Variants in SYNRG observed in about 807,000 individuals in gnomAD.
SYNRG encodes synergin gamma, also known as AP1 gamma subunit binding protein 1.
Under a neutral mutation model 130.9 loss-of-function variants are expected in SYNRG, and 37 were observed. The ratio of observed to expected loss-of-function variants is 0.28; its 90% CI spans 0.22 to 0.37. The LOEUF (loss-of-function observed/expected upper bound fraction) is 0.37. SYNRG is among the 10% of genes least tolerant of loss of function. The pLI is 1.00. For missense variants in SYNRG, 1,338 were observed against 1,588.9 expected, an observed-to-expected ratio of 0.84 and a Z score of 2.68; for synonymous variants, 539 against 568.1, an observed-to-expected ratio of 0.95 and a Z score of 0.73.
Position 37,541,811 on chromosome 17 carries a change from A to C in SYNRG, c.3202+161T>G. The C allele has an allele frequency of 6.9e-6, 5 of 722,810 alleles. No homozygotes were observed. In the East Asian group the frequency reaches 1.4e-4, roughly 20 times the overall value. The allele number at this position is 722,810 out of a possible 1,614,324, so 44.8% of individuals were successfully genotyped here. ...GGATGCTGATTTTGACTCCCGTCTCAGGGAAATCTTTATTATAGCTATCTG... is the reference window on the plus strand; with the variant it reads ...GGATGCTGATTTTGACTCCCGTCTCCGGGAAATCTTTATTATAGCTATCTG... On this transcript the variant is annotated intron_variant, in intron 15 of 21. Coordinates refer to ENST00000612223, the MANE Select transcript of SYNRG (RefSeq NM_007247.6).
In SYNRG at chr17:37,609,365, G is replaced by A; in HGVS notation, c.-10C>T. The A allele has an allele frequency of 1.2e-5, 17 of 1,424,024 alleles. No homozygotes were observed. The highest frequency in any genetic ancestry group is 6.0e-5 in the East Asian group (2 of 33,140). The allele number at this position is 1,424,024 out of a possible 1,614,324, so 88.2% of individuals were successfully genotyped here. A position where few individuals can be genotyped will look rare whatever the true frequency, so the allele number is the denominator to read the frequency against. ...CTGGCCGCAGCGCCATCTTGCTCCC[G>A]ACCTGCCGCTGCCTTCGCCGCCGCC... On this transcript the variant is annotated 5_prime_UTR_variant, in exon 1 of 22. Transcript: ENST00000612223.
chr17:37,600,135 C>T (rs1236585511), intron 2 of SYNRG, among the ~76,000 whole-genome samples: 3 of 152,166 alleles, frequency 2.0e-5, no homozygotes, highest in African/African-American at 7.2e-5. Context: ...AACATAATGT[C>T]TATGTAAGTT....
chr17:37,535,542 G>C (rs9914221), intron 19 of SYNRG, among the ~76,000 whole-genome samples: 2 of 152,038 alleles, frequency 1.3e-5, no homozygotes, highest in Admixed American at 6.6e-5. Context: ...AGAACTACTC[G>C]TAACAGGGAA....
Position 37,609,339 on chromosome 17 carries a change from C to A in SYNRG, c.17G>T (p.Gly6Val), listed in dbSNP as rs780555924. 443 of 1,462,082 alleles carry A rather than the reference C, an allele frequency of 3.0e-4. No homozygotes were observed. The highest frequency in any genetic ancestry group is 3.7e-4 in the Non-Finnish European group (407 of 1,113,840). The allele number at this position is 1,462,082 out of a possible 1,614,324, so 90.6% of individuals were successfully genotyped here. Reference sequence around the variant, plus strand: ...GGCCCCGCCGCCACCAGAACCAGCTCCTGGCCGCAGCGCCATCTTGCTCCC... The same window carrying A: ...GGCCCCGCCGCCACCAGAACCAGCTACTGGCCGCAGCGCCATCTTGCTCCC... Reference protein sequence around the residue: MALRPGAGSGGGGAAG... With the variant: MALRPVAGSGGGGAAG... The change falls in exon 1 of 22, where the codon GGA becomes GTA. Residue 6 changes from glycine (G) to valine (V), a missense_variant. By Grantham distance (109) the Gly-to-Val change is moderately radical. Transcript: ENST00000612223.
intron 3 of SYNRG, among the ~76,000 whole-genome samples, chr17:37,587,482 A>G (rs1447315735): frequency 1.3e-5 from 2 of 152,166 alleles, no homozygotes; most frequent in African/African-American, 4.8e-5. Context: ...CTTCTCTTCT[A>G]TATTTCCTGT....
rs1381475973 is a variant in SYNRG, at chr17:37,568,918, T to C, written c.1354A>G (p.Lys452Glu). Residue 452 changes from lysine (K) to glutamate (E), a missense_variant, in exon 11 of 22, where the codon AAG (lysine) becomes GAG (glutamate). By Grantham distance (56) the Lys-to-Glu change is moderately conservative. Transcript: ENST00000612223. ...IPTYPANQVVKPEEDDFQDFQ... is the reference protein window; with the variant it reads ...IPTYPANQVVEPEEDDFQDFQ... ...TCCTGGAAGTCATCTTCTTCTGGCT[T>C]TACTACCTAGGTTTATAAAGGTCAT... 1 of 1,613,350 alleles carries C rather than the reference T, an allele frequency of 6.2e-7. No homozygotes were observed. Among genetic ancestry groups the C allele is most frequent in the Non-Finnish European group, 8.5e-7 (1 of 1,179,710 alleles).
At chr17:37,598,123 C>T (rs2062937497) in intron 2 of SYNRG, among the ~76,000 whole-genome samples, 1 of 152,198 alleles carries the variant, frequency 6.6e-6, no homozygotes. Flanking sequence ...ACCAGGTCTT[C>T]ACTCTCATGG....
intron 1 of SYNRG, among the ~76,000 whole-genome samples, chr17:37,605,253 A>ATACAT (rs1241366446): frequency 6.6e-6 from 1 of 152,372 alleles, no homozygotes; most frequent in East Asian, 1.9e-4. Flanking sequence ...GGAGCAATGA[A>ATACAT]TACATTTAAG....
chr17:37,540,690 G>A lies in SYNRG; in HGVS notation c.3203-147C>T, dbSNP rs551516646. ...TGCTCTGTCGCTCAGACTGGAGTAC[G>A]GTGGTGTGATCTCGGCTCAGTGCAA... On this transcript the variant is annotated intron_variant, in intron 15 of 21. Transcript: ENST00000612223. 1.5e-4 allele frequency: 144 copies of A among 942,576 alleles called. No individual in the cohort carries two copies. In the African/African-American group the frequency reaches 2.3e-3, roughly 15 times the overall value. 58.4% of individuals were successfully genotyped at this position (942,576 alleles called of 1,614,324 possible).
intron 9 of SYNRG, among the ~76,000 whole-genome samples, chr17:37,571,485 G>C (rs1034914101): frequency 6.6e-6 from 1 of 152,208 alleles, no homozygotes; most frequent in Non-Finnish European, 1.5e-5. Flanking sequence ...GGGAGGCTGA[G>C]GCACGAGAAT....
chr17:37,605,818 T>C (rs949610058), intron 1 of SYNRG: 1 of 985,174 alleles, frequency 1.0e-6, no homozygotes, highest in African/African-American at 1.7e-5. Context: ...GCTCTGTCAC[T>C]TACCTATCTC....
At position 37,568,839 on chromosome 17, in the gene SYNRG, T is replaced by G. The variant is rs1306194419; in HGVS notation, c.1433A>C (p.Gln478Pro). The G allele has an allele frequency of 1.2e-6, 2 of 1,614,014 alleles. No individual in the cohort carries two copies. Among genetic ancestry groups the G allele is most frequent in the Non-Finnish European group, 8.5e-7 (1 of 1,180,004 alleles). ...TGTTTTTGAAGAAGCAGGCAACTCT[T>G]GGAAATCACTGAATGAGTCATCAAG... ...GSLDDSFSDF[Q>P]ELPASSKTSN... is the part of the protein sequence containing the mutation. The change falls in exon 11 of 22, where the codon CAA becomes CCA. Residue 478 changes from glutamine to proline, a missense_variant. Physicochemically the swap from Gln to Pro is moderately conservative, Grantham distance 76. Transcript: ENST00000612223.
intron 19 of SYNRG, among the ~76,000 whole-genome samples, chr17:37,528,282 G>C (rs1391944736): frequency 2.0e-5 from 3 of 152,058 alleles, no homozygotes. Context: ...CTCTTCTTCT[G>C]TCTACTTCTG....
chr17:37,523,989 T>G (rs1481247287), intron 19 of SYNRG, among the ~76,000 whole-genome samples: 1 of 152,180 alleles, frequency 6.6e-6, no homozygotes, highest in Non-Finnish European at 1.5e-5. Context: ...CAATCTGGAC[T>G]CAGGAAGTTC....
Position 37,596,363 on chromosome 17 carries a change from TA to T in SYNRG, c.119-20del. ...AGGCCTGCTGAAAATATAAAGACAT[TA>T]TTAAAGTCAATGTGTTTTAAAGTTT... On this transcript the variant is annotated intron_variant, in intron 2 of 21. Transcript: ENST00000612223. 6 of 1,612,468 alleles carry T rather than the reference TA, an allele frequency of 3.7e-6. No individual in the cohort carries two copies. The highest frequency in any genetic ancestry group is 5.1e-6 in the Non-Finnish European group (6 of 1,179,476).
chr17:37,539,855 T>C (rs1471780372), intron 16 of SYNRG, among the ~76,000 whole-genome samples: 1 of 152,194 alleles, frequency 6.6e-6, no homozygotes, highest in African/African-American at 2.4e-5. Flanking sequence ...TGTAGCTATC[T>C]GGTACAGAAA....
chr17:37,545,355 C>T (rs2058187869), intron 14 of SYNRG, among the ~76,000 whole-genome samples: 1 of 152,008 alleles, frequency 6.6e-6, no homozygotes, highest in Non-Finnish European at 1.5e-5. Flanking sequence ...AAGATGGCAC[C>T]ACTGCACTCC....
At chr17:37,595,744 T>C (rs1230493640) in intron 3 of SYNRG, among the ~76,000 whole-genome samples, 1 of 151,894 alleles carries the variant, frequency 6.6e-6, no homozygotes, top group East Asian at 1.9e-4. Flanking sequence ...AAAAACCTTT[T>C]TTTCCTCTGG....
chr17:37,578,561 ACAT>A (rs1375692892), intron 6 of SYNRG, among the ~76,000 whole-genome samples: 1 of 152,208 alleles, frequency 6.6e-6, no homozygotes, highest in Non-Finnish European at 1.5e-5. Context: ...CTGGCCAGTA[ACAT>A]CATCATCATC....
Sources: allele counts gnomAD v4.1 joint callset (sites outside exome capture counted in the v4.1 genomes callset), GRCh38; gene constraint gnomAD v4.1.1; transcripts MANE v1.5; gene names NCBI Gene and HGNC (gene_info 2026-07-23, HGNC 2026-07-21).